The following KRT17 variants were observed in gnomAD, a reference collection of about 807,000 sequenced individuals.
KRT17 encodes keratin, type I cytoskeletal 17.
Under a neutral mutation model 45.6 loss-of-function variants are expected in KRT17, and 29 were observed. The ratio of observed to expected loss-of-function variants is 0.64; its 90% CI spans 0.47 to 0.87. The LOEUF (loss-of-function observed/expected upper bound fraction) is 0.87. KRT17 is among the 40% of genes least tolerant of loss of function. KRT17 has a pLI of 0.00. For synonymous variants in KRT17, 219 were observed against 234.6 expected, an observed-to-expected ratio of 0.93 and a Z score of 0.61; for missense variants, 536 against 577.8, an observed-to-expected ratio of 0.93 and a Z score of 0.74.
rs1908543369 is a variant in KRT17, at chr17:41,621,582, G to C, written c.834+11C>G. 6.2e-7 allele frequency: 1 copy of C among 1,611,972 alleles called. No individual in the cohort carries two copies. Among genetic ancestry groups the C allele is most frequent in the Non-Finnish European group, 8.5e-7 (1 of 1,179,832 alleles). ...CCCTAAGAGAGCCCTCTGGCCTGCA[G>C]CACCCCCCACCTTGCTGAAGAACCA... On this transcript the variant is annotated intron_variant, in intron 4 of 7. Transcript: ENST00000311208.
In KRT17 at chr17:41,619,538, C is replaced by T. The variant is rs1481466307; in HGVS notation, c.*56G>A. Reference sequence around the variant, plus strand: ...GCTGGAGAGGCCGGAGACTGTGGGGCAGATGGGGCGGCTGCCTCCCTGCCT... The same window carrying T: ...GCTGGAGAGGCCGGAGACTGTGGGGTAGATGGGGCGGCTGCCTCCCTGCCT... On this transcript the variant is annotated 3_prime_UTR_variant, in exon 8 of 8. Coordinates refer to ENST00000311208, the MANE Select transcript of KRT17 (RefSeq NM_000422.3). The T allele has an allele frequency of 1.9e-6, 3 of 1,611,396 alleles. No homozygotes were observed. The African/African-American group carries it at 4.0e-5, about 22-fold the overall frequency.
chr17:41,624,475 C>T lies in KRT17; in HGVS notation c.35G>A (p.Ser12Asn), dbSNP rs1908661638. Residue 12 changes from serine (S) to asparagine (N), a missense_variant, in exon 1 of 8, where the codon AGC becomes AAC. Physicochemically the swap from Ser to Asn is conservative, Grantham distance 46 (BLOSUM62 1). Coordinates refer to ENST00000311208, the MANE Select transcript of KRT17 (RefSeq NM_000422.3). The part of the protein sequence containing the change: ...TTSIRQFTSS[S>N]SIKGSSGLGG... ...CAGGCCGGAGGAGCCCTTGATGGAG[C>T]TGGAGGAGGTGAACTGGCGGATGGA... 6.2e-7 allele frequency: 1 copy of T among 1,610,412 alleles called. No individual in the cohort carries two copies. Among genetic ancestry groups the T allele is most frequent in the Non-Finnish European group, 8.5e-7 (1 of 1,179,562 alleles).
intron 6 of KRT17, 40 bp from the exon 7 acceptor site, chr17:41,620,598 G>T (rs761250450): frequency 1.2e-6 from 2 of 1,610,942 alleles, no homozygotes; most frequent in South Asian, 1.1e-5. Flanking sequence ...TTAGATGTGG[G>T]TCTGAGAGCC....
chr17:41,624,025 T>C, intron 1 of KRT17, 53 bp downstream of exon 1: 5 of 1,610,352 alleles, frequency 3.1e-6, no homozygotes, highest in Non-Finnish European at 4.2e-6. Context: ...AAGGCAGGAG[T>C]TGGGGGGAAG....
Position 41,620,575 on chromosome 17 carries a change from A to G in KRT17, c.1182-17T>C, listed in dbSNP as rs775891257. 2 of 1,611,336 alleles carry G rather than the reference A, an allele frequency of 1.2e-6. No individual in the cohort carries two copies. Among genetic ancestry groups the G allele is most frequent in the South Asian group, 1.1e-5 (1 of 90,974 alleles). On this transcript the variant is annotated splice_polypyrimidine_tract_variant and intron_variant, in intron 6 of 7. Coordinates refer to ENST00000311208, the MANE Select transcript of KRT17 (RefSeq NM_000422.3). The stretch of plus-strand genomic sequence containing the variant: ...TGAGTCAGGCTGAAAGAAAAAAAAA[A>G]ACAGAGAGGAAATTAGATGTGGGTC...
At position 41,619,574 on chromosome 17, in the gene KRT17, C is replaced by T. The variant is rs558586684; in HGVS notation, c.*20G>A. On this transcript the variant is annotated 3_prime_UTR_variant, in exon 8 of 8. Transcript: ENST00000311208. Reference sequence around the variant, plus strand: ...GCTGCCTCCCTGCCTCCTGGGTGGCCGGCCGGGGTAGCTGAGTCCTCAGCG... The same window carrying T: ...GCTGCCTCCCTGCCTCCTGGGTGGCTGGCCGGGGTAGCTGAGTCCTCAGCG... 1.6e-5 allele frequency: 26 copies of T among 1,611,910 alleles called. No homozygotes were observed. Among genetic ancestry groups the T allele is most frequent in the East Asian group, 2.2e-5 (1 of 44,882 alleles).
chr17:41,620,722 A>G lies in KRT17; in HGVS notation c.1118T>C (p.Val373Ala). Residue 373 changes from valine to alanine, a missense_variant, in exon 6 of 8, where the codon GTG becomes GCG. Transcript: ENST00000311208. ...QNQEYKILLDVKTRLEQEIAT... is the reference protein window; with the variant it reads ...QNQEYKILLDAKTRLEQEIAT... ...AATCTCCTGCTCCAGCCGCGTCTTC[A>G]CATCCAGCAGGATTTTGTATTCCTG... 1 of 1,612,224 alleles carries G rather than the reference A, an allele frequency of 6.2e-7. No homozygotes were observed.
rs768908654 is a variant in KRT17, at chr17:41,620,648, C to G, written c.1181+11G>C. On this transcript the variant is annotated intron_variant, in intron 6 of 7. Transcript: ENST00000311208. ...AGACCCCCAGCCCTGACCCCAGGCGCCCCCACTCACTGGGCATCCTCTCCC... is the reference window on the plus strand; with the variant it reads ...AGACCCCCAGCCCTGACCCCAGGCGGCCCCACTCACTGGGCATCCTCTCCC... 1 of 1,611,904 alleles carries G rather than the reference C, an allele frequency of 6.2e-7. No individual in the cohort carries two copies. Among genetic ancestry groups the G allele is most frequent in the Non-Finnish European group, 8.5e-7 (1 of 1,179,772 alleles).
At chr17:41,621,552 C>A (rs113021897) in intron 4 of KRT17, 41 bp downstream of exon 4, 2 of 1,611,262 alleles carry the variant, frequency 1.2e-6, no homozygotes, top group Non-Finnish European at 1.7e-6. Flanking sequence ...CCCCTGAGCC[C>A]CAGCCCCTAA....
In KRT17 at chr17:41,621,649, A is replaced by G. The variant is rs1397885600; in HGVS notation, c.778T>C (p.Tyr260His). The G allele has an allele frequency of 1.9e-6, 3 of 1,612,144 alleles. No individual in the cohort carries two copies. The highest frequency in any genetic ancestry group is 1.1e-5 in the South Asian group (1 of 90,988). The stretch of plus-strand genomic sequence containing the variant: ...CGGTTCTTCTCTGCCATCTTCTCAT[A>G]CTGGTCACGCATCTCGTTGAGGATG... ...SRILNEMRDQ[Y>H]EKMAEKNRKD... The change falls in exon 4 of 8, where the codon TAT becomes CAT. Residue 260 changes from tyrosine (Y) to histidine (H), a missense_variant. Tyr to His is a moderately conservative substitution (Grantham distance 83, BLOSUM62 2). Coordinates refer to ENST00000311208, the MANE Select transcript of KRT17 (RefSeq NM_000422.3).
chr17:41,619,841 A>G (rs1908479460), intron 7 of KRT17, 153 bp from the exon 8 acceptor site: 1 of 984,962 alleles, frequency 1.0e-6, no homozygotes, highest in Non-Finnish European at 1.2e-6. Context: ...CTGCACACAC[A>G]TCCCTCCTGT....
chr17:41,623,926 G>A, intron 1 of KRT17, 152 bp downstream of exon 1: 5 of 1,112,274 alleles, frequency 4.5e-6, no homozygotes, highest in Non-Finnish European at 6.7e-6. Context: ...GCCACACAGG[G>A]GCCCCAAGGC....
chr17:41,620,382 G>T lies in KRT17; in HGVS notation c.1204+154C>A, dbSNP rs534902457. On this transcript the variant is annotated intron_variant, in intron 7 of 7. Coordinates refer to ENST00000311208, the MANE Select transcript of KRT17 (RefSeq NM_000422.3). ...TGTCTCTCTCATTTGATCTTTTCCT[G>T]AGTATCAATCCTCAGTGCTAATGAG... 153 of 985,280 alleles carry T rather than the reference G, an allele frequency of 1.6e-4. No individual in the cohort carries two copies. The Middle Eastern group carries it at 2.1e-3, about 13-fold the overall frequency. 61.0% of individuals were successfully genotyped at this position (985,280 alleles called of 1,614,324 possible).
intron 1 of KRT17, 45 bp downstream of exon 1, chr17:41,624,033 A>G (rs1472134970): frequency 1.9e-6 from 3 of 1,610,660 alleles, no homozygotes; most frequent in Non-Finnish European, 1.7e-6. Context: ...AGTTGGGGGG[A>G]AGAAGTCATG....
intron 1 of KRT17, 49 bp from the exon 2 acceptor site, chr17:41,623,081 C>A (rs776728246): frequency 7.2e-7 from 1 of 1,396,262 alleles, no homozygotes; most frequent in South Asian, 1.2e-5. Flanking sequence ...GTGGCTGAGC[C>A]CACACCAGGG....
At chr17:41,621,182 C>T in intron 4 of KRT17, 91 bp from the exon 5 acceptor site, 1 of 1,512,480 alleles carries the variant, frequency 6.6e-7, no homozygotes, top group Non-Finnish European at 9.1e-7. Flanking sequence ...AGAGAGTGTG[C>T]CTTCTCACCA....
chr17:41,620,215 T>A lies in KRT17; in HGVS notation c.1204+321A>T, dbSNP rs1449387794. The A allele has an allele frequency of 4.1e-6, 4 of 985,350 alleles. No individual in the cohort carries two copies. The East Asian group carries it at 3.4e-4, about 84-fold the overall frequency. 61.0% of individuals were successfully genotyped at this position (985,350 alleles called of 1,614,324 possible). On this transcript the variant is annotated intron_variant, in intron 7 of 7. Coordinates refer to ENST00000311208, the MANE Select transcript of KRT17 (RefSeq NM_000422.3). ...GGACTGTTTTTGCTCATCCAAAAGC[T>A]GTCAAGAGCAAAGATCATGAGACCA...
Position 41,621,135 on chromosome 17 carries a change from T to C in KRT17, c.835-44A>G, listed in dbSNP as rs779692020. On this transcript the variant is annotated intron_variant, in intron 4 of 7. Transcript: ENST00000311208. ...ACAGGGCGGTGTGAGCCTGGATCCC[T>C]CTCCCAAGTCAGGCCTCCTCCCAAA... 3.7e-6 allele frequency: 6 copies of C among 1,611,754 alleles called. No individual in the cohort carries two copies. In the Admixed American group the frequency reaches 8.4e-5, roughly 22 times the overall value.
In KRT17 at chr17:41,620,819, G is replaced by A; in HGVS notation, c.1021C>T (p.Gln341Ter). The A allele has an allele frequency of 6.2e-7, 1 of 1,613,478 alleles. No homozygotes were observed. Among genetic ancestry groups the A allele is most frequent in the South Asian group, 1.1e-5 (1 of 91,052 alleles). ...ACGCTGCCAATCAGCCCCTGGATCT[G>A]GGACAGCTGCACGCAGTAGCGGTTC... Reference protein sequence around the residue: ...TENRYCVQLSQIQGLIGSVEE... With the variant: ...TENRYCVQLS The change falls in exon 6 of 8, where the codon CAG becomes TAG. Residue 341 changes from glutamine (Q) to a stop codon, truncating the protein, a stop_gained. Transcript: ENST00000311208. LOFTEE classifies it high-confidence loss of function.
Sources: allele counts gnomAD v4.1 joint callset, GRCh38; gene constraint gnomAD v4.1.1; transcripts MANE v1.5; gene names NCBI Gene and HGNC (gene_info 2026-07-23, HGNC 2026-07-21).